The following ABCD2 variants were observed in gnomAD, a reference collection of about 807,000 sequenced individuals.
ABCD2 encodes ATP-binding cassette sub-family D member 2.
ABCD2 carries 36 observed loss-of-function variants against 70.9 expected under a neutral mutation model. That is an observed-to-expected ratio of 0.51 (90% CI 0.39 to 0.67). ABCD2 has a LOEUF of 0.67. Among genes scored for constraint, ABCD2 ranks in the 30% least tolerant of loss-of-function variants. The pLI, the probability that ABCD2 is intolerant of heterozygous loss-of-function variation, is 0.00. For synonymous variants in ABCD2, 304 were observed against 306.9 expected, an observed-to-expected ratio of 0.99 and a Z score of 0.10; for missense variants, 729 against 890.2, an observed-to-expected ratio of 0.82 and a Z score of 2.30.
At chr12:39,568,098 T>C (rs562207249) in intron 9 of ABCD2, among the ~76,000 whole-genome samples, 56 of 152,140 alleles carry the variant, frequency 3.7e-4, no homozygotes, top group Admixed American at 1.3e-3. Flanking sequence ...CTGACAATTA[T>C]GTGTCTTGGA....
At chr12:39,567,211 G>T (rs1285820107) in intron 9 of ABCD2, among the ~76,000 whole-genome samples, 19 of 152,160 alleles carry the variant, frequency 1.2e-4, no homozygotes. Flanking sequence ...TCATTGATCT[G>T]TCTAATGTCG....
chr12:39,566,864 A>T (rs1399405363), intron 9 of ABCD2, among the ~76,000 whole-genome samples: 1 of 152,152 alleles, frequency 6.6e-6, no homozygotes, highest in Non-Finnish European at 1.5e-5. Context: ...GAATATCTTT[A>T]TTTCTGCCTT....
intron 9 of ABCD2, among the ~76,000 whole-genome samples, chr12:39,566,462 G>T (rs895405365): frequency 3.3e-5 from 5 of 152,132 alleles, no homozygotes; most frequent in African/African-American, 9.7e-5. Flanking sequence ...ATTTCTGTGG[G>T]ATCAGTGGTG....
Position 39,554,089 on chromosome 12 carries a change from A to T in ABCD2, c.2046T>A (p.Gly682=), listed in dbSNP as rs1052791294. ...CAGTATCCAATTGTTCAAAGCGCCA[A>T]CCTCCTTCACCATCAAACTGTAATA... ...THLLQFDGEG[G]WRFEQLDTAI... Residue 682 remains glycine (G), a synonymous_variant, in exon 10 of 10, where the codon GGT becomes GGA. Transcript: ENST00000308666. The T allele has an allele frequency of 6.2e-7, 1 of 1,613,384 alleles. No individual in the cohort carries two copies. Among genetic ancestry groups the T allele is most frequent in the Non-Finnish European group, 8.5e-7 (1 of 1,179,752 alleles).
intron 8 of ABCD2, among the ~76,000 whole-genome samples, chr12:39,575,410 G>A (rs943756195): frequency 1.3e-5 from 2 of 151,964 alleles, no homozygotes; most frequent in East Asian, 1.9e-4. Context: ...GCTAGAATTC[G>A]ATACTGATAT....
At chr12:39,565,113 C>G (rs1419412755) in intron 9 of ABCD2, among the ~76,000 whole-genome samples, 2 of 152,152 alleles carry the variant, frequency 1.3e-5, no homozygotes, top group African/African-American at 2.4e-5. Context: ...GCAATATGGG[C>G]TCTTTTTTGG....
At chr12:39,540,787 T>A in the ABCD2 span, among the ~76,000 whole-genome samples, 3 of 152,174 alleles carry the variant, frequency 2.0e-5, no homozygotes, top group Non-Finnish European at 4.4e-5. Context: ...CTAAACACCC[T>A]CCCTTCCCCC....
chr12:39,610,721 A>G (rs2120762092), intron 2 of ABCD2, among the ~76,000 whole-genome samples: 1 of 152,312 alleles, frequency 6.6e-6, no homozygotes, highest in Non-Finnish European at 1.5e-5. Flanking sequence ...TTGGCAGATT[A>G]ATGCTTATTG....
chr12:39,569,742 C>T (rs1055310154), intron 9 of ABCD2, among the ~76,000 whole-genome samples: 3 of 152,182 alleles, frequency 2.0e-5, no homozygotes, highest in Non-Finnish European at 2.9e-5. Flanking sequence ...TAGACTGGAG[C>T]TGTTCCTATT....
At chr12:39,570,868 A>G (rs1177772258) in intron 9 of ABCD2, among the ~76,000 whole-genome samples, 3 of 152,238 alleles carry the variant, frequency 2.0e-5, no homozygotes, top group Admixed American at 2.0e-4. Context: ...AACAGCCAAC[A>G]TATATAAGAA....
chr12:39,536,551 G>T, the ABCD2 span, among the ~76,000 whole-genome samples: 2 of 152,200 alleles, frequency 1.3e-5, no homozygotes, highest in African/African-American at 4.8e-5. Flanking sequence ...ATTTTAACGG[G>T]AACCAATGAC....
At chr12:39,572,848 G>C (rs1051073603) in intron 9 of ABCD2, among the ~76,000 whole-genome samples, 1 of 152,128 alleles carries the variant, frequency 6.6e-6, no homozygotes, top group Non-Finnish European at 1.5e-5. Context: ...AGCATATATA[G>C]AGACAGTTAT....
chr12:39,552,271 C>T lies in ABCD2; in HGVS notation c.*1641G>A, dbSNP rs537606834. ...GTAGAAATGTTATGATGTTCTATAACGATCATTATGAATGACTTCCAGGTA... is the reference window on the plus strand; with the variant it reads ...GTAGAAATGTTATGATGTTCTATAATGATCATTATGAATGACTTCCAGGTA... On this transcript the variant is annotated 3_prime_UTR_variant, in exon 10 of 10. Coordinates refer to ENST00000308666, the MANE Select transcript of ABCD2 (RefSeq NM_005164.4). 1.3e-4 allele frequency: 19 copies of T among 151,966 alleles called. No homozygotes were observed. Among genetic ancestry groups the T allele is most frequent in the African/African-American group, 2.6e-4 (11 of 41,530 alleles). 9.4% of individuals were successfully genotyped at this position (151,966 alleles called of 1,614,324 possible).
chr12:39,536,969 A>G, the ABCD2 span, among the ~76,000 whole-genome samples: 1 of 152,106 alleles, frequency 6.6e-6, no homozygotes, highest in East Asian at 1.9e-4. Flanking sequence ...TGGACTCCCC[A>G]GGCTACCCTC....
chr12:39,558,505 G>C (rs1471215055), intron 9 of ABCD2, among the ~76,000 whole-genome samples: 2 of 152,200 alleles, frequency 1.3e-5, no homozygotes. Flanking sequence ...CACGTGTCAA[G>C]GGAAAGACCA....
the ABCD2 span, among the ~76,000 whole-genome samples, chr12:39,543,390 C>G: frequency 3.2e-4 from 49 of 152,248 alleles, no homozygotes; most frequent in African/African-American, 9.9e-4. Flanking sequence ...ATTACCATCT[C>G]TCTTTCATTT....
In ABCD2 at chr12:39,619,793, C is replaced by T; in HGVS notation, c.-178G>A. 1.7e-6 allele frequency: 1 copy of T among 596,032 alleles called. No individual in the cohort carries two copies. Among genetic ancestry groups the T allele is most frequent in the South Asian group, 2.3e-5 (1 of 44,134 alleles). 36.9% of individuals were successfully genotyped at this position (596,032 alleles called of 1,614,324 possible). On this transcript the variant is annotated 5_prime_UTR_variant, in exon 1 of 10. Transcript: ENST00000308666. The stretch of plus-strand genomic sequence containing the variant: ...TGACAGATGCAGCAGAGCTCAGACT[C>T]CGCTGCATCTACCGGGAATGATTCT...
chr12:39,607,489 G>T, intron 3 of ABCD2, 110 bp downstream of exon 3: 2 of 820,734 alleles, frequency 2.4e-6, no homozygotes, highest in South Asian at 1.8e-5. Flanking sequence ...AGCAATTTTT[G>T]GCAGAGAAAA....
At chr12:39,615,217 C>G (rs1204216057) in intron 2 of ABCD2, among the ~76,000 whole-genome samples, 4 of 151,482 alleles carry the variant, frequency 2.6e-5, no homozygotes, top group African/African-American at 4.8e-5. Context: ...TTTAATAACA[C>G]CAGTGTGTCC....
Sources: gnomAD v4.1 joint callset for allele counts (sites outside exome capture counted in the v4.1 genomes callset) on GRCh38, gnomAD v4.1.1 for gene constraint, MANE v1.5 for transcripts, NCBI Gene and HGNC (gene_info 2026-07-23, HGNC 2026-07-21) for gene names.